The following CSMD1 variants were observed in gnomAD, a reference collection of about 807,000 sequenced individuals.
The protein encoded by CSMD1 is CUB and Sushi multiple domains 1.
In CSMD1, 213 loss-of-function variants were observed where a neutral mutation model predicts 417.5. The observed-to-expected ratio is 0.51, with a 90% CI of 0.46 to 0.57. CSMD1 has a LOEUF of 0.57. Among genes scored for constraint, CSMD1 ranks in the 20% least tolerant of loss-of-function variants. The probability of loss-of-function intolerance (pLI) is 0.00; values close to 1 mark genes in which losing one functional copy is unlikely to be tolerated. For missense variants in CSMD1, 6,923 were observed against 4,529.7 expected, an observed-to-expected ratio of 1.53 and a Z score of -15.17; for synonymous variants, 2,862 against 1,736.8, an observed-to-expected ratio of 1.65 and a Z score of -16.11.
intron 3 of CSMD1, among the ~76,000 whole-genome samples, chr8:4,370,009 T>A (rs117398613): frequency 2.0e-5 from 3 of 152,216 alleles, no homozygotes; most frequent in Admixed American, 6.5e-5. Context: ...CTGGTTCTTA[T>A]GTAGACTTAG....
At position 4,729,834 on chromosome 8, in the gene CSMD1, A is replaced by C. The variant is rs185748317; in HGVS notation, c.86-92276T>G. On this transcript the variant is annotated intron_variant, in intron 1 of 69. Transcript: ENST00000635120. ...TTTCCATTGCAATCACAGTAAAAGCAAAGATACTCCTAAGTCCTAATCTTT... is the reference window on the plus strand; with the variant it reads ...TTTCCATTGCAATCACAGTAAAAGCCAAGATACTCCTAAGTCCTAATCTTT... Among the ~76,000 whole-genome samples the C allele has an allele frequency of 2.0e-3, 298 of 152,336 alleles. 7 individuals are homozygous for C. The South Asian group carries it at 0.04, about 20-fold the overall frequency.
intron 3 of CSMD1, among the ~76,000 whole-genome samples, chr8:4,377,867 C>G (rs10866971): frequency 0.82 from 124,155 of 152,070 alleles, 51,040 homozygotes; most frequent in African/African-American, 0.9. Flanking sequence ...ACTGTGATTA[C>G]TGCCGAAATG....
At chr8:4,623,929 C>A (rs1397937110) in intron 2 of CSMD1, among the ~76,000 whole-genome samples, 1 of 152,026 alleles carries the variant, frequency 6.6e-6, no homozygotes, top group East Asian at 1.9e-4. Context: ...TGGTGTTCCA[C>A]GGTTGTATAT....
chr8:4,681,509 G>C (rs1032075281), intron 1 of CSMD1, among the ~76,000 whole-genome samples: 1 of 152,134 alleles, frequency 6.6e-6, no homozygotes, highest in Non-Finnish European at 1.5e-5. Flanking sequence ...TACGTTGTTA[G>C]GTAAGCCAAG....
At chr8:3,838,645 TTA>T (rs1802869534) in intron 5 of CSMD1, among the ~76,000 whole-genome samples, 1 of 124,852 alleles carries the variant, frequency 8.0e-6, no homozygotes, top group South Asian at 2.3e-4. Flanking sequence ...TAAATTAATA[TTA>T]TATAGTATAA....
chr8:4,636,970 T>G (rs931857584), intron 2 of CSMD1, among the ~76,000 whole-genome samples: 1 of 151,970 alleles, frequency 6.6e-6, no homozygotes, highest in Non-Finnish European at 1.5e-5. Flanking sequence ...ATCAGCAGGA[T>G]CGTAAAAGTA....
chr8:3,782,689 C>A (rs142243907), intron 5 of CSMD1, among the ~76,000 whole-genome samples: 1 of 152,126 alleles, frequency 6.6e-6, no homozygotes, highest in Admixed American at 6.6e-5. Flanking sequence ...TGTTTGAGAA[C>A]AAGCTAATAG....
chr8:4,040,122 A>C (rs1350444709), intron 3 of CSMD1, among the ~76,000 whole-genome samples: 1 of 152,220 alleles, frequency 6.6e-6, no homozygotes, highest in Non-Finnish European at 1.5e-5. Context: ...TTCAGAAACA[A>C]TATTTTTAAA....
At chr8:3,531,231 T>C (rs771999937) in intron 10 of CSMD1, among the ~76,000 whole-genome samples, 2 of 152,176 alleles carry the variant, frequency 1.3e-5, no homozygotes, top group Non-Finnish European at 2.9e-5. Context: ...AAATAACTTT[T>C]CAGGTCCCTC....
At chr8:4,694,575 G>C (rs947549194) in intron 1 of CSMD1, among the ~76,000 whole-genome samples, 4 of 151,916 alleles carry the variant, frequency 2.6e-5, no homozygotes, top group Non-Finnish European at 5.9e-5. Flanking sequence ...ATATTAGCCA[G>C]GATCGTCTTG....
intron 2 of CSMD1, among the ~76,000 whole-genome samples, chr8:4,523,561 T>C (rs1366851767): frequency 6.6e-6 from 1 of 152,092 alleles, no homozygotes; most frequent in Non-Finnish European, 1.5e-5. Flanking sequence ...AGACAGAATA[T>C]GCAATTGTGG....
intron 3 of CSMD1, among the ~76,000 whole-genome samples, chr8:4,331,007 A>T (rs1799840231): frequency 6.6e-6 from 1 of 152,206 alleles, no homozygotes. Context: ...CTGTGCCGTA[A>T]GTTCTTAGTG....
At position 4,128,183 on chromosome 8, in the gene CSMD1, G is replaced by A. The variant is rs190627425; in HGVS notation, c.416-96084C>T. Among the ~76,000 whole-genome samples the A allele has an allele frequency of 4.1e-3, 619 of 152,040 alleles. 2 individuals are homozygous for A. The highest frequency in any genetic ancestry group is 6.0e-3 in the Non-Finnish European group (406 of 67,986). On this transcript the variant is annotated intron_variant, in intron 3 of 69. Coordinates refer to ENST00000635120, the MANE Select transcript of CSMD1 (RefSeq NM_033225.6). ...TGCACTCTTGGTCGGGGACCCCTGC[G>A]GAAAAAGTGCCCTGAGAAAACAGCA...
At position 3,657,109 on chromosome 8, in the gene CSMD1, C is replaced by A. The variant is rs141054531; in HGVS notation, c.1010-40312G>T. 2.6e-3 allele frequency among the ~76,000 whole-genome samples: 396 copies of A among 152,124 alleles called. 2 individuals are homozygous for A. Among genetic ancestry groups the A allele is most frequent in the African/African-American group, 9.2e-3 (383 of 41,498 alleles). On this transcript the variant is annotated intron_variant, in intron 7 of 69. Coordinates refer to ENST00000635120, the MANE Select transcript of CSMD1 (RefSeq NM_033225.6). ...ACCGAGTTGCTGCACTGGACATTGTCATTGGAGAATATGGCATCATCTGTC... is the reference window on the plus strand; with the variant it reads ...ACCGAGTTGCTGCACTGGACATTGTAATTGGAGAATATGGCATCATCTGTC...
At chr8:4,428,958 C>A in intron 2 of CSMD1, among the ~76,000 whole-genome samples, 1 of 152,112 alleles carries the variant, frequency 6.6e-6, no homozygotes, top group East Asian at 1.9e-4. Flanking sequence ...AAGTGATCCA[C>A]CTGCCTCATC....
chr8:4,193,335 T>TA (rs57779648), intron 3 of CSMD1, among the ~76,000 whole-genome samples: 5 of 151,814 alleles, frequency 3.3e-5, no homozygotes, highest in Admixed American at 6.6e-5. Flanking sequence ...CGTCCTCCAA[T>TA]AAAAAAAATA....
chr8:2,961,708 C>T (rs1803510178), intron 61 of CSMD1, among the ~76,000 whole-genome samples: 2 of 152,262 alleles, frequency 1.3e-5, no homozygotes, highest in Admixed American at 6.5e-5. Flanking sequence ...TTTCAAAAAA[C>T]ACAGGACTTG....
chr8:3,014,562 G>C (rs897038157), intron 52 of CSMD1, among the ~76,000 whole-genome samples: 1 of 152,132 alleles, frequency 6.6e-6, no homozygotes, highest in African/African-American at 2.4e-5. Flanking sequence ...TCCTGGGCAG[G>C]AGACACAACT....
chr8:4,462,149 A>C (rs1799874556), intron 2 of CSMD1, among the ~76,000 whole-genome samples: 1 of 152,152 alleles, frequency 6.6e-6, no homozygotes, highest in Non-Finnish European at 1.5e-5. Flanking sequence ...TGCTGGGATT[A>C]CAGGTGTGAG....
Sources: gnomAD v4.1 joint callset for allele counts (sites outside exome capture counted in the v4.1 genomes callset) on GRCh38, gnomAD v4.1.1 for gene constraint, MANE v1.5 for transcripts, NCBI Gene and HGNC (gene_info 2026-07-23, HGNC 2026-07-21) for gene names.